HSD17B11: variants seen among roughly 807,000 people sequenced by gnomAD.
The protein encoded by HSD17B11 is hydroxysteroid 17-beta dehydrogenase 11.
In HSD17B11, 22 loss-of-function variants were observed where a neutral mutation model predicts 27.8. That is an observed-to-expected ratio of 0.79 (90% CI 0.56 to 1.13). The LOEUF (loss-of-function observed/expected upper bound fraction) is 1.13, where lower values mean the gene tolerates loss of function less well. Among genes scored for constraint, HSD17B11 ranks in the 50% most tolerant of loss-of-function variants. The pLI is 0.00. For synonymous variants in HSD17B11, 117 were observed against 132.8 expected, an observed-to-expected ratio of 0.88 and a Z score of 0.82; for missense variants, 314 against 351.1, an observed-to-expected ratio of 0.89 and a Z score of 0.84.
chr4:87,354,573 G>A (rs1735345384), intron 5 of HSD17B11, among the ~76,000 whole-genome samples: 1 of 151,584 alleles, frequency 6.6e-6, no homozygotes, highest in Non-Finnish European at 1.5e-5. Flanking sequence ...GAGCCCAGGA[G>A]GTCAAGGCTG....
At chr4:87,370,461 G>A (rs940346332) in intron 4 of HSD17B11, among the ~76,000 whole-genome samples, 1 of 151,856 alleles carries the variant, frequency 6.6e-6, no homozygotes, top group Admixed American at 6.6e-5. Flanking sequence ...CTGTTGCCAG[G>A]CTGGAGTGCA....
chr4:87,359,181 T>C (rs7665178), intron 4 of HSD17B11, among the ~76,000 whole-genome samples: 7,770 of 152,200 alleles, frequency 0.051, 684 homozygotes, highest in African/African-American at 0.18. Context: ...CTTTATAAAT[T>C]GGCCAGTCTT....
chr4:87,337,483 T>G, intron 6 of HSD17B11, 117 bp from the exon 7 acceptor site: 1 of 628,808 alleles, frequency 1.6e-6, no homozygotes, highest in Admixed American at 3.2e-5. Context: ...TTAAATAAGA[T>G]TAAGCATCTT....
intron 3 of HSD17B11, 76 bp downstream of exon 3, chr4:87,374,623 T>G (rs1735783310): frequency 2.2e-6 from 3 of 1,387,838 alleles, no homozygotes; most frequent in Non-Finnish European, 3.0e-6. Flanking sequence ...TAATACTTCC[T>G]TATGTCTGCT....
At chr4:87,378,877 TA>T (rs1720016568) in intron 2 of HSD17B11, among the ~76,000 whole-genome samples, 4 of 16,612 alleles carry the variant, frequency 2.4e-4, no homozygotes, top group African/African-American at 1.7e-3. Context: ...AATATATATA[TA>T]TAAATATATA....
rs1453191900 is a variant in HSD17B11 at position 87,340,513 on chromosome 4, T to A, written c.789A>T (p.Ile263=). The A allele has an allele frequency of 6.2e-7, 1 of 1,606,956 alleles. No individual in the cohort carries two copies. Among genetic ancestry groups the A allele is most frequent in the East Asian group, 2.2e-5 (1 of 44,656 alleles). Residue 263 remains isoleucine (I), a synonymous_variant, in exon 6 of 7, where the codon ATA becomes ATT. Coordinates refer to ENST00000358290, the MANE Select transcript of HSD17B11 (RefSeq NM_016245.5). ...EQKMIFIPSS[I]AFLTTLERIL... is the part of the protein sequence containing the mutation. Reference sequence around the variant, plus strand: ...ACCTTTCCAATGTTGTTAAAAAAGCTATAGAAGATGGAATAAAAATCATCT... The same window carrying A: ...ACCTTTCCAATGTTGTTAAAAAAGCAATAGAAGATGGAATAAAAATCATCT...
intron 2 of HSD17B11, among the ~76,000 whole-genome samples, chr4:87,375,600 A>T (rs1002589977): frequency 6.6e-6 from 1 of 152,152 alleles, no homozygotes; most frequent in Admixed American, 6.6e-5. Flanking sequence ...AATTAGCTGT[A>T]CATGGTGGCG....
chr4:87,358,071 C>T (rs180891912), intron 4 of HSD17B11, among the ~76,000 whole-genome samples: 1 of 149,520 alleles, frequency 6.7e-6, no homozygotes, highest in East Asian at 2.0e-4. Context: ...CCGCCATTCT[C>T]CTGCCTCAGC....
chr4:87,378,895 AATATAT>A, intron 2 of HSD17B11, among the ~76,000 whole-genome samples: 1 of 8,410 alleles, frequency 1.2e-4, no homozygotes, highest in Admixed American at 2.5e-3. Context: ...TATATATATA[AATATAT>A]ATAAATATAT....
At chr4:87,341,109 AT>A (rs1301873953) in intron 5 of HSD17B11, among the ~76,000 whole-genome samples, 3 of 152,182 alleles carry the variant, frequency 2.0e-5, no homozygotes, top group African/African-American at 7.2e-5. Context: ...TAGGCCCTTC[AT>A]CTCCACATGA....
intron 2 of HSD17B11, among the ~76,000 whole-genome samples, chr4:87,377,978 C>T (rs796451552): frequency 8.5e-5 from 13 of 152,250 alleles, no homozygotes; most frequent in African/African-American, 3.1e-4. Context: ...GAGTTTCATA[C>T]CCAAGGTCAC....
At chr4:87,387,060 G>A (rs1720339538) in intron 1 of HSD17B11, 2 of 152,180 alleles carry the variant, frequency 1.3e-5, no homozygotes, top group African/African-American at 4.8e-5. Context: ...TATTGATTCT[G>A]AACTTATGCA....
At position 87,390,886 on chromosome 4, in the gene HSD17B11, T is replaced by C; in HGVS notation, c.185A>G (p.Lys62Arg). 3 of 1,614,156 alleles carry C rather than the reference T, an allele frequency of 1.9e-6. No homozygotes were observed. The highest frequency in any genetic ancestry group is 1.1e-5 in the South Asian group (1 of 91,086). The change falls in exon 1 of 7, where the codon AAG becomes AGG. Residue 62 changes from lysine to arginine, a missense_variant. By Grantham distance (26) the Lys-to-Arg change is conservative. Coordinates refer to ENST00000358290, the MANE Select transcript of HSD17B11 (RefSeq NM_016245.5). ...TAYEFAKLKS[K>R]LVLWDINKHG... Reference sequence around the variant, plus strand: ...CTTATTTATATCCCAGAGAACCAGCTTGCTTTTAAGTTTAGCAAATTCATA... The same window carrying C: ...CTTATTTATATCCCAGAGAACCAGCCTGCTTTTAAGTTTAGCAAATTCATA...
chr4:87,337,093 T>A lies in HSD17B11; in HGVS notation c.*183A>T, dbSNP rs1735069928. The A allele has an allele frequency of 3.3e-5, 20 of 613,030 alleles. No individual in the cohort carries two copies. The East Asian group carries it at 5.9e-4, about 18-fold the overall frequency. The allele number at this position is 613,030 out of a possible 1,614,324, so 38.0% of individuals were successfully genotyped here. A position where few individuals can be genotyped will look rare whatever the true frequency, so the allele number is the denominator to read the frequency against. ...CTCTAAAGGTATTTCTCTGTTTATA[T>A]CATATGTAATCAGCTTTTGGCTAAA... On this transcript the variant is annotated 3_prime_UTR_variant, in exon 7 of 7. Coordinates refer to ENST00000358290, the MANE Select transcript of HSD17B11 (RefSeq NM_016245.5).
chr4:87,364,030 A>T (rs988473454), intron 4 of HSD17B11, among the ~76,000 whole-genome samples: 1 of 152,242 alleles, frequency 6.6e-6, no homozygotes, highest in Non-Finnish European at 1.5e-5. Flanking sequence ...CAGCTTAATT[A>T]AAAGTGGAAT....
chr4:87,356,216 G>A (rs1164561174), intron 5 of HSD17B11, among the ~76,000 whole-genome samples: 1 of 152,080 alleles, frequency 6.6e-6, no homozygotes, highest in African/African-American at 2.4e-5. Context: ...GCAATATGTA[G>A]GAATTTTTAC....
Position 87,382,363 on chromosome 4 carries a change from C to T in HSD17B11, c.211-1G>A. 6.2e-7 allele frequency: 1 copy of T among 1,604,562 alleles called. No individual in the cohort carries two copies. The highest frequency in any genetic ancestry group is 8.5e-7 in the Non-Finnish European group (1 of 1,172,566). ...TGGCAGCTGTTTCCTCCAGTCCATGCTAGAAAAAGCAAAAAAGAGGGCAAG... is the reference window on the plus strand; with the variant it reads ...TGGCAGCTGTTTCCTCCAGTCCATGTTAGAAAAAGCAAAAAAGAGGGCAAG... On this transcript the variant is annotated splice_acceptor_variant, in intron 1 of 6. Transcript: ENST00000358290. LOFTEE classifies it high-confidence loss of function.
intron 1 of HSD17B11, chr4:87,387,318 T>C (rs1203926565): frequency 6.6e-6 from 1 of 152,230 alleles, no homozygotes; most frequent in Non-Finnish European, 1.5e-5. Flanking sequence ...AATTAACATA[T>C]GGTACATGTG....
In HSD17B11 at chr4:87,340,574, A is replaced by G. The variant is rs1208290084; in HGVS notation, c.728T>C (p.Val243Ala). Residue 243 changes from valine (V) to alanine (A), a missense_variant, in exon 6 of 7, where the codon GTA becomes GCA. Coordinates refer to ENST00000358290, the MANE Select transcript of HSD17B11 (RefSeq NM_016245.5). ...CAGAATCCCATGCATCAGCCTGTTT[A>G]CCACTTCCTCAGGTTCCAGAGTGGG... ...LGPTLEPEEV[V>A]NRLMHGILTE... The G allele has an allele frequency of 1.4e-5, 22 of 1,613,146 alleles. No homozygotes were observed. Among genetic ancestry groups the G allele is most frequent in the Non-Finnish European group, 1.8e-5 (21 of 1,179,610 alleles).
Sources: gnomAD v4.1 joint callset for allele counts (sites outside exome capture counted in the v4.1 genomes callset) on GRCh38, gnomAD v4.1.1 for gene constraint, MANE v1.5 for transcripts, NCBI Gene and HGNC (gene_info 2026-07-23, HGNC 2026-07-21) for gene names.